The following EZR variants were observed in gnomAD, a reference collection of about 807,000 sequenced individuals.
EZR encodes cytovillin 2.
Under a neutral mutation model 74.8 loss-of-function variants are expected in EZR, and 40 were observed. That is an observed-to-expected ratio of 0.53 (90% CI 0.42 to 0.70). EZR has a LOEUF of 0.70. Ranked by LOEUF, EZR falls within the 30% of genes least tolerant of loss-of-function variation. The pLI is 0.00. For synonymous variants in EZR, 341 were observed against 283.3 expected (o/e 1.20, Z -2.05); for missense variants, 678 against 755.8 (o/e 0.90, Z 1.21).
intron 2 of EZR, among the ~76,000 whole-genome samples, chr6:158,789,975 C>T (rs977181831): frequency 1.3e-5 from 2 of 152,106 alleles, no homozygotes; most frequent in Admixed American, 6.5e-5. Flanking sequence ...TTTCCATGCA[C>T]CATCTCATAT....
chr6:158,785,843 T>C (rs1358449205), intron 4 of EZR, among the ~76,000 whole-genome samples: 1 of 151,520 alleles, frequency 6.6e-6, no homozygotes, highest in East Asian at 2.0e-4. Context: ...CCCAGGAGTT[T>C]AAGACCAGCC....
At chr6:158,806,800 A>G (rs1777349443) in intron 2 of EZR, among the ~76,000 whole-genome samples, 2 of 152,176 alleles carry the variant, frequency 1.3e-5, no homozygotes, top group Non-Finnish European at 1.5e-5. Flanking sequence ...GTCTAAATCC[A>G]TTTAAGAGTC....
chr6:158,771,321 G>T lies in EZR; in HGVS notation c.882C>A (p.Arg294=), dbSNP rs745632800. The change falls in exon 9 of 14, where the codon CGC becomes CGA. Residue 294 remains arginine (R), a synonymous_variant. Transcript: ENST00000367075. ...CMGNHELYMR[R]RKPDTIEVQQ... ...GCACCTCGATGGTGTCAGGCTTCCTGCGGCGCATATACAACTCATGGTTGC... is the reference window on the plus strand; with the variant it reads ...GCACCTCGATGGTGTCAGGCTTCCTTCGGCGCATATACAACTCATGGTTGC... 3.1e-6 allele frequency: 5 copies of T among 1,614,182 alleles called. No individual in the cohort carries two copies. The South Asian group carries it at 5.5e-5, about 18-fold the overall frequency.
intron 2 of EZR, among the ~76,000 whole-genome samples, chr6:158,816,121 T>C (rs370804217): frequency 6.6e-6 from 1 of 152,182 alleles, no homozygotes; most frequent in East Asian, 1.9e-4. Context: ...TATCTAAAGT[T>C]GTCGAATTCA....
chr6:158,797,926 T>C (rs1434818064), intron 2 of EZR, among the ~76,000 whole-genome samples: 1 of 152,244 alleles, frequency 6.6e-6, no homozygotes, highest in Non-Finnish European at 1.5e-5. Flanking sequence ...CTATCTAGTT[T>C]TGGAATAGTT....
At chr6:158,800,329 C>T (rs1007072591) in intron 2 of EZR, among the ~76,000 whole-genome samples, 5 of 152,142 alleles carry the variant, frequency 3.3e-5, no homozygotes, top group Non-Finnish European at 7.3e-5. Context: ...CTAATTCCCG[C>T]CCATAGCAGT....
At chr6:158,782,610 G>A (rs1791461799) in intron 7 of EZR, among the ~76,000 whole-genome samples, 1 of 152,208 alleles carries the variant, frequency 6.6e-6, no homozygotes, top group Non-Finnish European at 1.5e-5. Context: ...TTCTTGCCCT[G>A]GCACCTTCTC....
intron 2 of EZR, among the ~76,000 whole-genome samples, chr6:158,811,334 ATAGAG>A (rs1777446815): frequency 1.2e-5 from 1 of 81,582 alleles, no homozygotes; most frequent in Non-Finnish European, 3.1e-5. Context: ...CTGCTTCAGA[ATAGAG>A]CTGAAACATC....
intron 9 of EZR, 122 bp downstream of exon 9, chr6:158,771,122 G>C (rs1051837699): frequency 1.3e-5 from 19 of 1,424,814 alleles, no homozygotes; most frequent in Non-Finnish European, 1.8e-5. Flanking sequence ...TCCCAGCGTG[G>C]TGACTGGGTT....
chr6:158,774,504 G>A (rs551529134), intron 8 of EZR, among the ~76,000 whole-genome samples: 1 of 152,104 alleles, frequency 6.6e-6, no homozygotes, highest in Admixed American at 6.6e-5. Flanking sequence ...CCCTGGAAGA[G>A]TGCCTGGGAC....
intron 2 of EZR, among the ~76,000 whole-genome samples, chr6:158,795,378 C>T (rs917106925): frequency 6.6e-6 from 1 of 151,980 alleles, no homozygotes; most frequent in Admixed American, 6.6e-5. Context: ...TTGAGACTAC[C>T]CTGGGCAACA....
At chr6:158,818,997 G>A (rs1777631091) in intron 1 of EZR, among the ~76,000 whole-genome samples, 1 of 152,172 alleles carries the variant, frequency 6.6e-6, no homozygotes, top group African/African-American at 2.4e-5. Context: ...CCCCGCGGCT[G>A]CAGTCACAAC....
At chr6:158,817,993 C>G (rs373218429) in intron 2 of EZR, 89 bp downstream of exon 2, 12 of 1,353,066 alleles carry the variant, frequency 8.9e-6, no homozygotes, top group Non-Finnish European at 1.0e-5. Flanking sequence ...ACCCTGTTCC[C>G]CAGGAACTGC....
At chr6:158,802,454 A>G (rs1227454112) in intron 2 of EZR, among the ~76,000 whole-genome samples, 2 of 152,234 alleles carry the variant, frequency 1.3e-5, no homozygotes, top group Non-Finnish European at 2.9e-5. Flanking sequence ...AAATATTTAC[A>G]AACACCTTAT....
chr6:158,797,667 C>A (rs974406183), intron 2 of EZR, among the ~76,000 whole-genome samples: 2 of 152,212 alleles, frequency 1.3e-5, no homozygotes, highest in Non-Finnish European at 2.9e-5. Context: ...AGTAAATTTT[C>A]TCCCACAAAT....
intron 2 of EZR, among the ~76,000 whole-genome samples, chr6:158,812,481 T>C (rs1196434342): frequency 6.6e-6 from 1 of 152,188 alleles, no homozygotes; most frequent in East Asian, 1.9e-4. Context: ...CTCCAGACAA[T>C]TGTGTACACA....
chr6:158,818,040 A>G (rs2128578700), intron 2 of EZR, 42 bp downstream of exon 2: 2 of 1,600,996 alleles, frequency 1.2e-6, no homozygotes, highest in East Asian at 2.2e-5. Flanking sequence ...CTCTCCAATG[A>G]AGCCTCTCCC....
At chr6:158,815,568 A>G (rs1283749396) in intron 2 of EZR, among the ~76,000 whole-genome samples, 1 of 152,218 alleles carries the variant, frequency 6.6e-6, no homozygotes, top group African/African-American at 2.4e-5. Flanking sequence ...CTTGACCTCC[A>G]GGGCTCATCA....
intron 3 of EZR, among the ~76,000 whole-genome samples, chr6:158,788,943 T>C (rs1261021554): frequency 6.6e-6 from 1 of 152,156 alleles, no homozygotes; most frequent in East Asian, 1.9e-4. Context: ...GCGTCTCTAA[T>C]ACAGGGTGAG....
Sources: allele counts gnomAD v4.1 joint callset (sites outside exome capture counted in the v4.1 genomes callset), GRCh38; gene constraint gnomAD v4.1.1; transcripts MANE v1.5; gene names NCBI Gene and HGNC (gene_info 2026-07-23, HGNC 2026-07-21).